EIF4H: variants seen among roughly 807,000 people sequenced by gnomAD.
EIF4H encodes the protein Williams-Beuren syndrome chromosome region 1.
In EIF4H, 8 loss-of-function variants were observed where a neutral mutation model predicts 30.6. The observed-to-expected ratio is 0.26, with a 90% confidence interval of 0.15 to 0.47. The LOEUF is 0.47. Among genes scored for constraint, EIF4H ranks in the 20% least tolerant of loss-of-function variants. The probability of loss-of-function intolerance (pLI) is 0.99; values close to 1 mark genes in which losing one functional copy is unlikely to be tolerated. For missense variants in EIF4H, 188 were observed against 339.5 expected (o/e 0.55, Z 3.51); for synonymous variants, 106 against 122.7 (o/e 0.86, Z 0.90).
chr7:74,181,535 G>A (rs12531724), intron 1 of EIF4H, among the ~76,000 whole-genome samples: 47,601 of 151,874 alleles, frequency 0.31, 7,698 homozygotes, highest in African/African-American at 0.38. Context: ...GGGTTCAAGC[G>A]ATTCTCCTGC....
intron 1 of EIF4H, among the ~76,000 whole-genome samples, chr7:74,186,858 G>A (rs1175717908): frequency 2.5e-5 from 3 of 119,710 alleles, no homozygotes. Flanking sequence ...AGTCTCTGTC[G>A]CGTGAGCTGA....
At position 74,174,370 on chromosome 7, in the gene EIF4H, A is replaced by G; in HGVS notation, c.-14A>G. ...CCTCGCTCACCCTGGTTCCTCTCGG[A>G]GCGGAGACGGCAAATGGCGGACTTC... On this transcript the variant is annotated 5_prime_UTR_variant, in exon 1 of 7. Coordinates refer to ENST00000265753, the MANE Select transcript of EIF4H (RefSeq NM_022170.2). The G allele has an allele frequency of 6.9e-7, 1 of 1,447,932 alleles. No individual in the cohort carries two copies. The highest frequency in any genetic ancestry group is 1.4e-5 in the South Asian group (1 of 71,056). The allele number at this position is 1,447,932 out of a possible 1,614,324, so 89.7% of individuals were successfully genotyped here.
At chr7:74,184,760 G>A (rs544307716) in intron 1 of EIF4H, among the ~76,000 whole-genome samples, 7 of 152,082 alleles carry the variant, frequency 4.6e-5, no homozygotes, top group African/African-American at 1.4e-4. Context: ...AGGCTGAAGC[G>A]CAGTGACACA....
intron 1 of EIF4H, among the ~76,000 whole-genome samples, chr7:74,185,814 A>T (rs1554709095): frequency 1.3e-5 from 2 of 151,976 alleles, no homozygotes; most frequent in African/African-American, 4.8e-5. Flanking sequence ...GAAGGATCTC[A>T]TTTATTTGAA....
rs1554710833 is a variant in EIF4H at position 74,196,799 on chromosome 7, A to T, written c.*1491A>T. On this transcript the variant is annotated 3_prime_UTR_variant, in exon 7 of 7. Transcript: ENST00000265753. ...CTCTCTCTCCTTCCTTCCACCTGTC[A>T]GCTTCTCTGCTTCTGAGATAAGAAC... 27 of 151,730 alleles carry T rather than the reference A, an allele frequency of 1.8e-4. No individual in the cohort carries two copies. 9.4% of individuals were successfully genotyped at this position (151,730 alleles called of 1,614,324 possible).
At position 74,189,692 on chromosome 7, in the gene EIF4H, C is replaced by T. The variant is rs575887795; in HGVS notation, c.267C>T (p.Phe89=). ...DKFKGFCYVE[F]DEVDSLKEAL... is the part of the protein sequence containing the mutation. The stretch of plus-strand genomic sequence containing the variant: ...TTCCAGGATTCTGCTATGTAGAATT[C>T]GATGAAGTGGATTCCCTTAAGGAAG... The change falls in exon 3 of 7, where the codon TTC becomes TTT. Residue 89 remains phenylalanine (F), a synonymous_variant. Transcript: ENST00000265753. 1.6e-4 allele frequency: 265 copies of T among 1,614,032 alleles called. 2 individuals carry two copies. The South Asian group carries it at 2.8e-3, about 17-fold the overall frequency.
At chr7:74,186,465 G>C (rs1444454060) in intron 1 of EIF4H, among the ~76,000 whole-genome samples, 1 of 151,936 alleles carries the variant, frequency 6.6e-6, no homozygotes, top group Non-Finnish European at 1.5e-5. Flanking sequence ...CACCCACCTC[G>C]GCCTCCCAAA....
At chr7:74,192,673 TTTTTTTTC>T (rs1182652556) in intron 5 of EIF4H, among the ~76,000 whole-genome samples, 3 of 66,100 alleles carry the variant, frequency 4.5e-5, no homozygotes, top group South Asian at 5.9e-4. Flanking sequence ...TGTGACTTTT[TTTTTTTTC>T]TTTTTTTTTT....
In EIF4H at chr7:74,186,816, T is replaced by A. The variant is rs1393702246; in HGVS notation, c.60-795T>A. Among the ~76,000 whole-genome samples, 632 of 85,468 alleles carry A rather than the reference T, an allele frequency of 7.4e-3. 54 individuals carry two copies. Among genetic ancestry groups the A allele is most frequent in the East Asian group, 0.02 (59 of 2,884 alleles). 56.1% of individuals were successfully genotyped at this position (85,468 alleles called of 152,430 possible). On this transcript the variant is annotated intron_variant, in intron 1 of 6. Coordinates refer to ENST00000265753, the MANE Select transcript of EIF4H (RefSeq NM_022170.2). ...TTTTTTTTTTTTTTTTTTTTTTTTT[T>A]TTTTTTTTTTTTTTTTTTTTTTTTG...
chr7:74,186,238 T>C (rs1454823032), intron 1 of EIF4H, among the ~76,000 whole-genome samples: 3 of 151,976 alleles, frequency 2.0e-5, no homozygotes, highest in African/African-American at 7.3e-5. Flanking sequence ...TTTTTTTTTT[T>C]TTTGAGATGG....
intron 1 of EIF4H, among the ~76,000 whole-genome samples, chr7:74,175,194 T>A (rs1800810269): frequency 6.6e-6 from 1 of 152,260 alleles, no homozygotes; most frequent in Non-Finnish European, 1.5e-5. Flanking sequence ...CAGACAACTA[T>A]GTATAATTGA....
intron 5 of EIF4H, among the ~76,000 whole-genome samples, chr7:74,192,606 C>T (rs1424973308): frequency 1.3e-5 from 2 of 151,388 alleles, no homozygotes; most frequent in Middle Eastern, 3.4e-3. Context: ...CGGTGCTGCT[C>T]CTGTGTGCTA....
At chr7:74,178,242 T>C (rs1430801798) in intron 1 of EIF4H, among the ~76,000 whole-genome samples, 2 of 152,144 alleles carry the variant, frequency 1.3e-5, no homozygotes, top group East Asian at 1.9e-4. Flanking sequence ...CTTCAATTTA[T>C]GTTTCTATTA....
At chr7:74,194,966 G>A (rs1305950587) in intron 6 of EIF4H, 88 bp downstream of exon 6, 27 of 1,518,060 alleles carry the variant, frequency 1.8e-5, no homozygotes, top group African/African-American at 2.8e-5. Flanking sequence ...GGCGTTCTAC[G>A]GCACACAGAG....
chr7:74,185,679 G>A (rs1801064951), intron 1 of EIF4H, among the ~76,000 whole-genome samples: 1 of 152,080 alleles, frequency 6.6e-6, no homozygotes, highest in African/African-American at 2.4e-5. Flanking sequence ...TTTATCTTCA[G>A]GAAGAAGTGG....
At chr7:74,193,809 C>CA (rs1440016023) in intron 5 of EIF4H, among the ~76,000 whole-genome samples, 5 of 152,196 alleles carry the variant, frequency 3.3e-5, no homozygotes, top group Non-Finnish European at 5.9e-5. Context: ...GAGTGAGTCT[C>CA]ACTGTGTTGC....
At chr7:74,183,639 C>A (rs1384385260) in intron 1 of EIF4H, among the ~76,000 whole-genome samples, 1 of 152,170 alleles carries the variant, frequency 6.6e-6, no homozygotes, top group African/African-American at 2.4e-5. Context: ...AGGTAGTAGT[C>A]CCCCAAACTT....
intron 1 of EIF4H, among the ~76,000 whole-genome samples, chr7:74,175,326 A>G (rs1800813175): frequency 6.6e-6 from 1 of 152,166 alleles, no homozygotes; most frequent in Non-Finnish European, 1.5e-5. Flanking sequence ...ATAGGCTATG[A>G]ACATCTTGCT....
At chr7:74,181,731 A>C (rs1800966928) in intron 1 of EIF4H, among the ~76,000 whole-genome samples, 1 of 146,064 alleles carries the variant, frequency 6.8e-6, no homozygotes, top group Non-Finnish European at 1.5e-5. Flanking sequence ...GGTGTGAGCC[A>C]CCGAGCCCGG....
Sources: allele counts gnomAD v4.1 joint callset (sites outside exome capture counted in the v4.1 genomes callset), GRCh38; gene constraint gnomAD v4.1.1; transcripts MANE v1.5; gene names NCBI Gene and HGNC (gene_info 2026-07-23, HGNC 2026-07-21).